Variants in ATP7B observed in about 807,000 individuals in gnomAD.
ATP7B encodes the protein ATPase copper transporting beta.
A neutral mutation model predicts 118.9 loss-of-function variants in ATP7B; 113 were observed. That is an observed-to-expected ratio of 0.95 (90% confidence interval 0.82 to 1.11). The LOEUF (loss-of-function observed/expected upper bound fraction) is 1.11, where lower values mean the gene tolerates loss of function less well. Among genes scored for constraint, ATP7B ranks in the 50% most tolerant of loss-of-function variants. The pLI is 0.00. For missense variants in ATP7B, 1,867 were observed against 1,871.4 expected, an observed-to-expected ratio of 1.00 and a Z score of 0.04; for synonymous variants, 777 against 727.4, an observed-to-expected ratio of 1.07 and a Z score of -1.10.
At chr13:51,935,732 G>A in intron 19 of ATP7B, 37 bp from the exon 20 acceptor site, 1 of 1,569,090 alleles carries the variant, frequency 6.4e-7, no homozygotes, top group Non-Finnish European at 8.7e-7. Flanking sequence ...ACCTAGGTCT[G>A]GGGAGAGGAG....
intron 8 of ATP7B, 54 bp downstream of exon 8, chr13:51,958,257 T>C (rs1958482100): frequency 1.9e-6 from 3 of 1,544,030 alleles, no homozygotes; most frequent in East Asian, 2.2e-5. Context: ...TCAGAGGAAG[T>C]GAGATTTGTT....
In ATP7B at chr13:51,975,084, C is replaced by A. The variant is rs756032027; in HGVS notation, c.136G>T (p.Gly46Cys). The A allele has an allele frequency of 1.2e-6, 2 of 1,614,246 alleles. No individual in the cohort carries two copies. The highest frequency in any genetic ancestry group is 2.7e-5 in the African/African-American group (2 of 75,072). ...GAAGGGCCCAGGCCATCCAGACCAC[C>A]TTCATAGCCAACATTGTCAAAAGCA... ...SFAFDNVGYEGGLDGLGPSSQ... is the reference protein window; with the variant it reads ...SFAFDNVGYECGLDGLGPSSQ... Residue 46 changes from glycine to cysteine, a missense_variant, in exon 2 of 21, where the codon GGT becomes TGT. Gly to Cys is a radical substitution (Grantham distance 159, BLOSUM62 -3). Transcript: ENST00000242839.
chr13:51,964,819 T>C, intron 5 of ATP7B, 53 bp downstream of exon 5: 2 of 1,586,280 alleles, frequency 1.3e-6, no homozygotes, highest in Admixed American at 3.4e-5. Context: ...CTTCACTGAT[T>C]ATATATTACT....
chr13:51,955,647 G>A (rs151136753), intron 9 of ATP7B, among the ~76,000 whole-genome samples: 82 of 152,308 alleles, frequency 5.4e-4, no homozygotes, highest in African/African-American at 1.9e-3. Context: ...CATCAGAGGC[G>A]CCTCAAACTG....
In ATP7B at chr13:52,011,425, C is replaced by T. The variant is rs1404042333; in HGVS notation, c.-88G>A. ...TGGAGGAGAGCGGGGTGTTAAAGTC[C>T]CGGGAGAGGAGGCGCAGAGTGTGAG... is the stretch of plus-strand genomic sequence containing the variant. On this transcript the variant is annotated 5_prime_UTR_variant, in exon 1 of 21. Coordinates refer to ENST00000242839, the MANE Select transcript of ATP7B (RefSeq NM_000053.4). 3.2e-6 allele frequency: 5 copies of T among 1,574,220 alleles called. No individual in the cohort carries two copies. Among genetic ancestry groups the T allele is most frequent in the Non-Finnish European group, 4.4e-6 (5 of 1,146,808 alleles).
At chr13:51,990,322 T>G (rs1952847243) in intron 1 of ATP7B, among the ~76,000 whole-genome samples, 1 of 152,166 alleles carries the variant, frequency 6.6e-6, no homozygotes, top group African/African-American at 2.4e-5. Context: ...TAATGTTCAT[T>G]GCTACATTCA....
At chr13:51,993,296 G>A (rs576548937) in intron 1 of ATP7B, among the ~76,000 whole-genome samples, 6 of 150,958 alleles carry the variant, frequency 4.0e-5, no homozygotes, top group African/African-American at 9.8e-5. Flanking sequence ...TGCCAGGCAC[G>A]GTGGCTCACA....
At position 51,942,507 on chromosome 13, in the gene ATP7B, C is replaced by T. The variant is rs766632973; in HGVS notation, c.3291G>A (p.Val1097=). 22 of 1,614,074 alleles carry T rather than the reference C, an allele frequency of 1.4e-5. 1 individual carries two copies. The highest frequency in any genetic ancestry group is 1.6e-5 in the Non-Finnish European group (19 of 1,180,050). The change falls in exon 15 of 21, where the codon GTG becomes GTA. Residue 1097 remains valine (V), a synonymous_variant. Coordinates refer to ENST00000242839, the MANE Select transcript of ATP7B (RefSeq NM_000053.4). ...TLGYCTDFQA[V]PGCGIGCKVS... ...CTTTGCACCCAATTCCACAGCCTGGCACTGCCTGGAAGTCCGTGCAGTATC... is the reference window on the plus strand; with the variant it reads ...CTTTGCACCCAATTCCACAGCCTGGTACTGCCTGGAAGTCCGTGCAGTATC...
intron 1 of ATP7B, among the ~76,000 whole-genome samples, chr13:52,011,040 C>T (rs934143478): frequency 1.3e-5 from 2 of 152,234 alleles, no homozygotes; most frequent in Admixed American, 6.5e-5. Flanking sequence ...ATCTCTCCAG[C>T]ATCAGACCCC....
At chr13:51,942,280 G>A (rs1957378655) in intron 15 of ATP7B, 106 bp downstream of exon 15, 20 of 1,558,658 alleles carry the variant, frequency 1.3e-5, no homozygotes, top group Non-Finnish European at 1.7e-5. Flanking sequence ...CCTTAGCCAT[G>A]AACCGTCTGC....
At chr13:51,938,237 C>T in intron 17 of ATP7B, among the ~76,000 whole-genome samples, 1 of 152,036 alleles carries the variant, frequency 6.6e-6, no homozygotes, top group Admixed American at 6.5e-5. Flanking sequence ...GTGCAGTTTT[C>T]CTTTCCTAGT....
chr13:51,949,900 A>C (rs754829950), intron 11 of ATP7B, 104 bp from the exon 12 acceptor site: 19 of 1,609,150 alleles, frequency 1.2e-5, no homozygotes, highest in Non-Finnish European at 1.6e-5. Flanking sequence ...ATTTAACCAC[A>C]TTTACTAATC....
At chr13:52,002,082 A>G (rs1460686561) in intron 1 of ATP7B, among the ~76,000 whole-genome samples, 2 of 152,134 alleles carry the variant, frequency 1.3e-5, no homozygotes, top group Non-Finnish European at 2.9e-5. Flanking sequence ...AGAGGTCTGA[A>G]CCACCACACA....
At chr13:51,982,224 CTTT>C (rs1952455752) in intron 1 of ATP7B, among the ~76,000 whole-genome samples, 1 of 152,092 alleles carries the variant, frequency 6.6e-6, no homozygotes, top group South Asian at 2.1e-4. Flanking sequence ...ATTGATGACA[CTTT>C]TGTAAATTGC....
intron 1 of ATP7B, among the ~76,000 whole-genome samples, chr13:52,003,685 T>C (rs906121316): frequency 4.0e-5 from 6 of 151,294 alleles, no homozygotes; most frequent in Non-Finnish European, 7.4e-5. Context: ...GCCTGTACTG[T>C]CACAAGTAGG....
At position 51,934,632 on chromosome 13, in the gene ATP7B, CAT is replaced by C; in HGVS notation, c.*122_*123del. ...CGTGCTGCAGGGCAGGATGACTGGACATATCCAGGGAGCGGAAGTCCCCAAAG... is the reference window on the plus strand; with the variant it reads ...CGTGCTGCAGGGCAGGATGACTGGACATCCAGGGAGCGGAAGTCCCCAAAG... On this transcript the variant is annotated 3_prime_UTR_variant, in exon 21 of 21. Transcript: ENST00000242839. The C allele has an allele frequency of 1.4e-6, 2 of 1,462,042 alleles. No individual in the cohort carries two copies. Among genetic ancestry groups the C allele is most frequent in the Non-Finnish European group, 1.9e-6 (2 of 1,068,460 alleles). The allele number at this position is 1,462,042 out of a possible 1,614,324, so 90.6% of individuals were successfully genotyped here. A position where few individuals can be genotyped will look rare whatever the true frequency, so the allele number is the denominator to read the frequency against.
At chr13:51,997,083 T>C (rs1295926296) in intron 1 of ATP7B, among the ~76,000 whole-genome samples, 2 of 152,174 alleles carry the variant, frequency 1.3e-5, no homozygotes, top group African/African-American at 2.4e-5. Context: ...GGTGCATCTG[T>C]GATTGCTTTC....
Position 51,968,579 on chromosome 13 carries a change from C to T in ATP7B, c.1572G>A (p.Met524Ile), listed in dbSNP as rs772305751. The change falls in exon 4 of 21, where the codon ATG becomes ATA. Residue 524 changes from methionine (M) to isoleucine (I), a missense_variant. Physicochemically the swap from Met to Ile is conservative, Grantham distance 10 (BLOSUM62 1). Coordinates refer to ENST00000242839, the MANE Select transcript of ATP7B (RefSeq NM_000053.4). ...AGVLSVLVAL[M>I]AGKAEIKYDP... ...CATACTTGATCTCTGCCTTTCCTGC[C>T]ATCAAGGCAACCAACACGGAGAGAA... The T allele has an allele frequency of 3.3e-5, 54 of 1,614,070 alleles. No individual in the cohort carries two copies. Among genetic ancestry groups the T allele is most frequent in the Non-Finnish European group, 4.6e-5 (54 of 1,180,058 alleles).
chr13:51,966,720 C>T (rs949293277), intron 4 of ATP7B: 148 of 1,564,448 alleles, frequency 9.5e-5, no homozygotes, highest in Non-Finnish European at 1.2e-4. Flanking sequence ...CTGCTCTGCA[C>T]GCCAGCCCGC....
Sources: gnomAD v4.1 joint callset for allele counts (sites outside exome capture counted in the v4.1 genomes callset) on GRCh38, gnomAD v4.1.1 for gene constraint, MANE v1.5 for transcripts, NCBI Gene and HGNC (gene_info 2026-07-23, HGNC 2026-07-21) for gene names.